Variants in MLLT10 observed in about 807,000 individuals in gnomAD.
The protein encoded by MLLT10 is protein AF-10.
In MLLT10, 30 loss-of-function variants were observed where a neutral mutation model predicts 129.1. The observed-to-expected ratio is 0.23, with a 90% CI of 0.17 to 0.32. The LOEUF (loss-of-function observed/expected upper bound fraction) is 0.32. Among genes scored for constraint, MLLT10 ranks in the 10% least tolerant of loss-of-function variants. The pLI, the probability that MLLT10 is intolerant of heterozygous loss-of-function variation, is 1.00. For missense variants in MLLT10, 1,119 were observed against 1,268.3 expected (o/e 0.88, Z 1.79); for synonymous variants, 490 against 446.4 (o/e 1.10, Z -1.23).
intron 9 of MLLT10, among the ~76,000 whole-genome samples, chr10:21,665,069 C>T (rs1367437402): frequency 6.6e-6 from 1 of 150,946 alleles, no homozygotes; most frequent in Non-Finnish European, 1.5e-5. Flanking sequence ...CCTCAGACTT[C>T]CAAGTAGCTG....
chr10:21,683,768 C>T (rs1279102755), intron 13 of MLLT10, among the ~76,000 whole-genome samples: 6 of 149,970 alleles, frequency 4.0e-5, no homozygotes, highest in African/African-American at 7.3e-5. Flanking sequence ...TTTTTTGAGA[C>T]GGAGTTTTGC....
At chr10:21,604,858 G>A (rs1451260911) in intron 5 of MLLT10, among the ~76,000 whole-genome samples, 3 of 151,082 alleles carry the variant, frequency 2.0e-5, no homozygotes, top group Non-Finnish European at 4.4e-5. Flanking sequence ...TTGGCAGCCT[G>A]CCCATTTTTT....
intron 13 of MLLT10, among the ~76,000 whole-genome samples, chr10:21,700,949 A>G (rs187093258): frequency 2.8e-4 from 43 of 152,282 alleles, no homozygotes; most frequent in African/African-American, 9.4e-4. Flanking sequence ...CATTGAATCT[A>G]TCCAGTCCTA....
chr10:21,698,555 A>G (rs2054589179), intron 13 of MLLT10, among the ~76,000 whole-genome samples: 2 of 152,292 alleles, frequency 1.3e-5, no homozygotes, highest in East Asian at 1.9e-4. Context: ...ACCCTTTGAT[A>G]TGCTCATTTC....
At chr10:21,534,117 G>C (rs977328731), upstream of MLLT10, 1 of 304,012 alleles carries the variant, frequency 3.3e-6, no homozygotes, top group African/African-American at 2.2e-5. Context: ...GAGCGGCGCG[G>C]GGGAGGGGGA....
At chr10:21,697,099 CAAAAAAAAAAAA>C (rs1163740638) in intron 13 of MLLT10, among the ~76,000 whole-genome samples, 4 of 82,666 alleles carry the variant, frequency 4.8e-5, no homozygotes, top group Admixed American at 1.7e-4. Flanking sequence ...CTGATTTAAG[CAAAAAAAAAAAA>C]AAAAAAAAAA....
intron 8 of MLLT10, chr10:21,625,010 A>G: frequency 9.8e-7 from 1 of 1,021,386 alleles, no homozygotes; most frequent in Non-Finnish European, 1.5e-6. Context: ...CATAGCCACC[A>G]TCATAGCCAT....
chr10:21,733,982 G>T lies in MLLT10; in HGVS notation c.2711G>T (p.Gly904Val). 1 of 1,614,194 alleles carries T rather than the reference G, an allele frequency of 6.2e-7. No homozygotes were observed. The highest frequency in any genetic ancestry group is 8.5e-7 in the Non-Finnish European group (1 of 1,180,042). ...AVGGIIGALP[G>V]NQLAINGIVG... ...GGTGGAATAATTGGAGCTTTGCCAG[G>T]TAACCAACTGGCAATTAATGGCATT... is the stretch of plus-strand genomic sequence containing the variant. The change falls in exon 20 of 23, where the codon GGT (glycine) becomes GTT (valine). Residue 904 changes from glycine (G) to valine (V), a missense_variant. Around this residue, in one of 5 missense-constraint regions of MLLT10, gnomAD observed 1,004 missense variants for 1,008.7 expected, o/e 1.00. Coordinates refer to ENST00000307729, the MANE Select transcript of MLLT10 (RefSeq NM_001195626.3).
At chr10:21,602,154 G>C (rs1564487834) in intron 5 of MLLT10, among the ~76,000 whole-genome samples, 2 of 152,210 alleles carry the variant, frequency 1.3e-5, no homozygotes, top group Admixed American at 1.3e-4. Flanking sequence ...TGAGTACCTA[G>C]GCACCATTCC....
chr10:21,704,924 A>C (rs984073845), intron 13 of MLLT10, among the ~76,000 whole-genome samples: 3 of 152,036 alleles, frequency 2.0e-5, no homozygotes, highest in African/African-American at 7.3e-5. Flanking sequence ...TGCCAAGTAG[A>C]CCAGCCTTTG....
At chr10:21,630,532 T>C (rs1049346125) in intron 8 of MLLT10, among the ~76,000 whole-genome samples, 1 of 152,196 alleles carries the variant, frequency 6.6e-6, no homozygotes, top group African/African-American at 2.4e-5. Context: ...GTTGTTTATA[T>C]AGCAAGCAAA....
At chr10:21,708,622 T>C in intron 13 of MLLT10, 1 of 985,342 alleles carries the variant, frequency 1.0e-6, no homozygotes, top group South Asian at 4.7e-5. Context: ...CAAAGTGTGA[T>C]TACTGGATTG....
At chr10:21,612,238 TAA>T (rs2044732800) in intron 5 of MLLT10, 108 bp from the exon 6 acceptor site, 1 of 570,394 alleles carries the variant, frequency 1.8e-6, no homozygotes, top group African/African-American at 1.9e-5. Context: ...TATTTTGAGT[TAA>T]GATAGGTTAC....
At position 21,709,324 on chromosome 10, in the gene MLLT10, G is replaced by A. The variant is rs527650608; in HGVS notation, c.1700-4448G>A. ...GTGATCTTGGCTTATTGCAACCTCC[G>A]CCTCTCAAGTGATTCTCCTGCCTCA... is the stretch of plus-strand genomic sequence containing the variant. On this transcript the variant is annotated intron_variant, in intron 13 of 22. Transcript: ENST00000307729. Among the ~76,000 whole-genome samples, 29 of 150,438 alleles carry A rather than the reference G, an allele frequency of 1.9e-4. No homozygotes were observed. In the South Asian group the frequency reaches 5.0e-3, roughly 26 times the overall value.
In MLLT10 at chr10:21,589,005, G is replaced by T. The variant is rs2042257259; in HGVS notation, c.295+2657G>T. 2.0e-5 allele frequency among the ~76,000 whole-genome samples: 3 copies of T among 151,660 alleles called. No individual in the cohort carries two copies. The South Asian group carries it at 6.3e-4, about 32-fold the overall frequency. On this transcript the variant is annotated intron_variant, in intron 4 of 22. Coordinates refer to ENST00000307729, the MANE Select transcript of MLLT10 (RefSeq NM_001195626.3). ...CGCCCAGCTGATTTTTTTATTTTTAGTAGAGATGGGATCCACCCACCTTGG... is the reference window on the plus strand; with the variant it reads ...CGCCCAGCTGATTTTTTTATTTTTATTAGAGATGGGATCCACCCACCTTGG...
intron 3 of MLLT10, among the ~76,000 whole-genome samples, chr10:21,544,221 C>T (rs889174011): frequency 1.3e-5 from 2 of 152,196 alleles, no homozygotes; most frequent in Admixed American, 1.3e-4. Context: ...CACCATGTTG[C>T]CTCCTATGGT....
At chr10:21,674,700 T>C (rs1254988612) in intron 11 of MLLT10, among the ~76,000 whole-genome samples, 1 of 152,218 alleles carries the variant, frequency 6.6e-6, no homozygotes, top group Non-Finnish European at 1.5e-5. Flanking sequence ...ATTTATCTTT[T>C]AAATTTCATC....
chr10:21,730,060 G>T (rs994496027), intron 16 of MLLT10, among the ~76,000 whole-genome samples: 1 of 152,066 alleles, frequency 6.6e-6, no homozygotes, highest in African/African-American at 2.4e-5. Context: ...TTCAGCCCAG[G>T]AGTTGGAGAC....
intron 18 of MLLT10, 33 bp downstream of exon 18, chr10:21,733,120 GAAAATAGGC>G: frequency 6.5e-7 from 1 of 1,548,786 alleles, no homozygotes; most frequent in Middle Eastern, 1.7e-4. Context: ...TGTATCTAAG[GAAAATAGGC>G]TTTCAGTTTT....
Sources: allele counts gnomAD v4.1 joint callset (sites outside exome capture counted in the v4.1 genomes callset), GRCh38; gene constraint gnomAD v4.1.1; regional missense constraint gnomAD v4.1.1; transcripts MANE v1.5; gene names NCBI Gene and HGNC (gene_info 2026-07-23, HGNC 2026-07-21).